Variants in RFTN2 observed in about 807,000 individuals in gnomAD.
The protein encoded by RFTN2 is raftlin-2.
RFTN2 carries 34 observed loss-of-function variants against 52.7 expected under a neutral mutation model. The observed-to-expected ratio is 0.64, with a 90% CI of 0.49 to 0.86. The LOEUF is 0.86. Among genes scored for constraint, RFTN2 ranks in the 40% least tolerant of loss-of-function variants. The pLI is 0.00. For missense variants in RFTN2, 536 were observed against 600.1 expected (o/e 0.89, Z 1.12); for synonymous variants, 203 against 217.7 (o/e 0.93, Z 0.59).
intron 5 of RFTN2, among the ~76,000 whole-genome samples, chr2:197,621,030 C>T (rs1448561722): frequency 6.6e-6 from 1 of 152,042 alleles, no homozygotes; most frequent in Non-Finnish European, 1.5e-5. Context: ...AGTTTAGTTT[C>T]CTAGTTCAAG....
At chr2:197,607,770 G>C (rs1175218088) in intron 7 of RFTN2, among the ~76,000 whole-genome samples, 2 of 152,074 alleles carry the variant, frequency 1.3e-5, no homozygotes, top group African/African-American at 4.8e-5. Flanking sequence ...CTATGACCCT[G>C]AATTTGTTTC....
At chr2:197,634,940 T>C (rs958178121) in intron 3 of RFTN2, among the ~76,000 whole-genome samples, 6 of 129,746 alleles carry the variant, frequency 4.6e-5, no homozygotes, top group Non-Finnish European at 6.3e-5. Flanking sequence ...CCTGTGTCCA[T>C]GTGATCTCAT....
At chr2:197,638,184 G>A (rs1331403702) in intron 3 of RFTN2, among the ~76,000 whole-genome samples, 2 of 131,978 alleles carry the variant, frequency 1.5e-5, no homozygotes. Context: ...TGGAATAGGT[G>A]TGGTGTGGTG....
intron 7 of RFTN2, among the ~76,000 whole-genome samples, chr2:197,600,342 G>A (rs1184942579): frequency 6.6e-6 from 1 of 152,152 alleles, no homozygotes; most frequent in Non-Finnish European, 1.5e-5. Context: ...GTCAGCATCT[G>A]CCTACCTCTT....
chr2:197,629,675 T>TACACACAAAC (rs138797874), intron 5 of RFTN2, among the ~76,000 whole-genome samples: 1 of 146,606 alleles, frequency 6.8e-6, no homozygotes, highest in East Asian at 2.0e-4. Flanking sequence ...TTAATTTTTA[T>TACACACAAAC]ACACACACAC....
At chr2:197,605,827 C>T (rs952731811) in intron 7 of RFTN2, among the ~76,000 whole-genome samples, 3 of 152,124 alleles carry the variant, frequency 2.0e-5, no homozygotes, top group South Asian at 4.1e-4. Context: ...TTAGCCCTAT[C>T]TGCCACAAGG....
chr2:197,640,515 C>T (rs2088651496), intron 3 of RFTN2, among the ~76,000 whole-genome samples: 2 of 152,252 alleles, frequency 1.3e-5, no homozygotes, highest in Non-Finnish European at 2.9e-5. Context: ...AGTCCGTCAC[C>T]CCTTTCTTTG....
chr2:197,633,515 T>A (rs2088499168), intron 4 of RFTN2, among the ~76,000 whole-genome samples: 1 of 152,284 alleles, frequency 6.6e-6, no homozygotes, highest in African/African-American at 2.4e-5. Context: ...GCATTTTATG[T>A]TCTGCCAGAG....
intron 3 of RFTN2, among the ~76,000 whole-genome samples, chr2:197,643,068 A>T (rs2088697995): frequency 6.6e-6 from 1 of 152,100 alleles, no homozygotes; most frequent in Non-Finnish European, 1.5e-5. Flanking sequence ...TATGAATGTT[A>T]GCTTTTCTTT....
chr2:197,647,665 T>C (rs2088772383), intron 1 of RFTN2, among the ~76,000 whole-genome samples: 1 of 152,210 alleles, frequency 6.6e-6, no homozygotes, highest in South Asian at 2.1e-4. Flanking sequence ...GCTAAACATA[T>C]AATTTCTCAT....
intron 5 of RFTN2, among the ~76,000 whole-genome samples, chr2:197,619,187 G>C (rs1471604718): frequency 2.7e-5 from 4 of 150,372 alleles, no homozygotes; most frequent in South Asian, 2.1e-4. Flanking sequence ...GCCCGGCTGC[G>C]CCTACTGGGA....
intron 8 of RFTN2, among the ~76,000 whole-genome samples, chr2:197,591,904 G>A (rs927276098): frequency 1.3e-5 from 2 of 151,948 alleles, no homozygotes; most frequent in Non-Finnish European, 2.9e-5. Context: ...GCGCAGAACT[G>A]GTTCCTGCCC....
intron 8 of RFTN2, among the ~76,000 whole-genome samples, chr2:197,578,287 G>A (rs1247636917): frequency 6.6e-6 from 1 of 152,082 alleles, no homozygotes; most frequent in East Asian, 1.9e-4. Flanking sequence ...GCATTAATAG[G>A]TAAACAGCCA....
At chr2:197,595,000 A>C (rs558598150) in intron 8 of RFTN2, among the ~76,000 whole-genome samples, 1 of 152,254 alleles carries the variant, frequency 6.6e-6, no homozygotes, top group African/African-American at 2.4e-5. Context: ...ACAGAAAAAG[A>C]ATCACTTTAA....
At chr2:197,624,409 C>A (rs1366564576) in intron 5 of RFTN2, among the ~76,000 whole-genome samples, 1 of 149,378 alleles carries the variant, frequency 6.7e-6, no homozygotes, top group Non-Finnish European at 1.5e-5. Context: ...ACCATCCTGG[C>A]TAACACGGTG....
intron 2 of RFTN2, among the ~76,000 whole-genome samples, chr2:197,645,255 C>T (rs900939498): frequency 6.6e-6 from 1 of 152,150 alleles, no homozygotes; most frequent in Non-Finnish European, 1.5e-5. Context: ...TATTGTGATA[C>T]CATTGCCTAC....
chr2:197,581,195 A>G (rs1042452107), intron 8 of RFTN2, among the ~76,000 whole-genome samples: 2 of 152,026 alleles, frequency 1.3e-5, no homozygotes, highest in African/African-American at 4.8e-5. Flanking sequence ...CTCTCCTTAC[A>G]ATTCCCCCAT....
chr2:197,625,661 C>T (rs912465925), intron 5 of RFTN2, among the ~76,000 whole-genome samples: 1 of 146,866 alleles, frequency 6.8e-6, no homozygotes, highest in African/African-American at 2.5e-5. Flanking sequence ...CAAAGAAATT[C>T]CTCTCTCCTC....
intron 1 of RFTN2, among the ~76,000 whole-genome samples, chr2:197,650,024 A>G (rs577616142): frequency 9.2e-5 from 14 of 152,272 alleles, no homozygotes; most frequent in Non-Finnish European, 2.9e-5. Flanking sequence ...AATGTACTTA[A>G]TGTCACTGAA....
Sources: gnomAD v4.1 joint callset for allele counts (sites outside exome capture counted in the v4.1 genomes callset) on GRCh38, gnomAD v4.1.1 for gene constraint, MANE v1.5 for transcripts, NCBI Gene and HGNC (gene_info 2026-07-23, HGNC 2026-07-21) for gene names.